The following CDC20B variants were observed in gnomAD, a reference collection of about 807,000 sequenced individuals.
CDC20B encodes cell division cycle protein 20 homolog B.
CDC20B carries 58 observed loss-of-function variants against 64.1 expected under a neutral mutation model. The ratio of observed to expected loss-of-function variants is 0.90; its 90% confidence interval spans 0.73 to 1.13. The LOEUF is 1.13. Ranked by LOEUF, CDC20B falls within the 50% of genes most tolerant of loss-of-function variation. The pLI is 0.00. For missense variants in CDC20B, 597 were observed against 633.0 expected, an observed-to-expected ratio of 0.94 and a Z score of 0.61; for synonymous variants, 243 against 230.6, an observed-to-expected ratio of 1.05 and a Z score of -0.49.
chr5:55,164,304 G>A, intron 2 of CDC20B: 2 of 981,706 alleles, frequency 2.0e-6, no homozygotes, highest in Non-Finnish European at 1.4e-6. Flanking sequence ...TGGAGACAGT[G>A]TCTCACTCTG....
intron 2 of CDC20B, chr5:55,166,254 C>G (rs571149771): frequency 6.6e-6 from 1 of 152,400 alleles, no homozygotes; most frequent in East Asian, 1.9e-4. Flanking sequence ...TGGGAACAAC[C>G]AGGACTGTCC....
intron 4 of CDC20B, among the ~76,000 whole-genome samples, chr5:55,141,768 C>T (rs918487832): frequency 3.9e-5 from 6 of 152,138 alleles, no homozygotes; most frequent in Admixed American, 6.5e-5. Context: ...GAACAACTAA[C>T]TAGAAAGCAG....
At chr5:55,136,176 G>C (rs1242369437) in intron 5 of CDC20B, 1 of 151,970 alleles carries the variant, frequency 6.6e-6, no homozygotes, top group African/African-American at 2.4e-5. Flanking sequence ...TCGAACTCCT[G>C]ACCTCGTGAT....
At position 55,135,418 on chromosome 5, in the gene CDC20B, G is replaced by A. The variant is rs142652948; in HGVS notation, c.581-1890C>T. Among the ~76,000 whole-genome samples, 495 of 152,248 alleles carry A rather than the reference G, an allele frequency of 3.3e-3. 5 individuals are homozygous for A. The highest frequency in any genetic ancestry group is 0.011 in the African/African-American group (471 of 41,514). ...GTTTAGGACAAAAGACGAGGGAGCT[G>A]AGGAAAGACATGTCCCCACATATTT... is the stretch of plus-strand genomic sequence containing the variant. On this transcript the variant is annotated intron_variant, in intron 5 of 11. Transcript: ENST00000381375.
rs1743027202 is a variant in CDC20B, at chr5:55,131,490, C to T, written c.697+1922G>A. Among the ~76,000 whole-genome samples, 3 of 152,002 alleles carry T rather than the reference C, an allele frequency of 2.0e-5. No individual in the cohort carries two copies. The South Asian group carries it at 6.2e-4, about 32-fold the overall frequency. ...GCAAAAAAGGATGAGAAAGAGTGAA[C>T]AAAAGACACTCTTGGACAAAACCCA... is the stretch of plus-strand genomic sequence containing the variant. On this transcript the variant is annotated intron_variant, in intron 6 of 11. Transcript: ENST00000381375.
chr5:55,121,955 G>A (rs1295940479), intron 9 of CDC20B, among the ~76,000 whole-genome samples: 1 of 152,052 alleles, frequency 6.6e-6, no homozygotes, highest in Admixed American at 6.6e-5. Context: ...TACAATAGTT[G>A]CTCTCATTCT....
At chr5:55,123,506 G>A (rs1742804717) in intron 9 of CDC20B, among the ~76,000 whole-genome samples, 1 of 152,118 alleles carries the variant, frequency 6.6e-6, no homozygotes, top group Admixed American at 6.5e-5. Flanking sequence ...ATGTCAACCT[G>A]CAAAGTCTAC....
chr5:55,140,381 G>C lies in CDC20B; in HGVS notation c.513C>G (p.Thr171=). 1 of 1,612,764 alleles carries C rather than the reference G, an allele frequency of 6.2e-7. No homozygotes were observed. Among genetic ancestry groups the C allele is most frequent in the Non-Finnish European group, 8.5e-7 (1 of 1,179,432 alleles). The change falls in exon 5 of 12, where the codon ACC becomes ACG. Residue 171 remains threonine (T), a synonymous_variant. Coordinates refer to ENST00000381375, the MANE Select transcript of CDC20B (RefSeq NM_001170402.1). ...GQKCLKQLFV[T]QNVVQQANGK... ...CATTAGCCTGCTGAACCACGTTCTGGGTTACAAAGAGTTGTTTTAGGCATT... is the reference window on the plus strand; with the variant it reads ...CATTAGCCTGCTGAACCACGTTCTGCGTTACAAAGAGTTGTTTTAGGCATT...
rs759309662 is a variant in CDC20B, at chr5:55,128,419, A to G, written c.894+2T>C. On this transcript the variant is annotated splice_donor_variant, in intron 7 of 11. Transcript: ENST00000381375. LOFTEE classifies it high-confidence loss of function. ...ATGAGAAAAAAAAAAACTGGCCAGTACTTGCACTTCTCCCTCGCTGGTGCC... is the reference window on the plus strand; with the variant it reads ...ATGAGAAAAAAAAAAACTGGCCAGTGCTTGCACTTCTCCCTCGCTGGTGCC... The G allele has an allele frequency of 1.3e-6, 2 of 1,596,750 alleles. No individual in the cohort carries two copies. The highest frequency in any genetic ancestry group is 2.3e-5 in the South Asian group (2 of 86,548).
intron 5 of CDC20B, among the ~76,000 whole-genome samples, chr5:55,135,486 G>T (rs1743137324): frequency 1.3e-5 from 2 of 152,092 alleles, no homozygotes; most frequent in Admixed American, 1.3e-4. Context: ...AAAAGACAAG[G>T]TTCACACTCT....
chr5:55,138,200 G>A (rs1038933436), intron 5 of CDC20B, among the ~76,000 whole-genome samples: 3 of 146,904 alleles, frequency 2.0e-5, no homozygotes, highest in African/African-American at 7.5e-5. Flanking sequence ...TCACTCTGTC[G>A]CCCAGGCTGG....
chr5:55,157,962 C>T (rs2111921784), intron 2 of CDC20B, among the ~76,000 whole-genome samples: 1 of 152,230 alleles, frequency 6.6e-6, no homozygotes, highest in African/African-American at 2.4e-5. Flanking sequence ...AAGCCATTTG[C>T]TTGTACAGCC....
intron 2 of CDC20B, among the ~76,000 whole-genome samples, chr5:55,153,314 G>A (rs1319833196): frequency 2.7e-5 from 4 of 146,058 alleles, no homozygotes; most frequent in Admixed American, 2.0e-4. Flanking sequence ...GCAGAAATTA[G>A]AGAATGAGAT....
intron 2 of CDC20B, 180 bp downstream of exon 2, chr5:55,172,408 T>C (rs1046283882): frequency 1.2e-5 from 7 of 569,604 alleles, no homozygotes; most frequent in Middle Eastern, 2.7e-4. Flanking sequence ...ATGCAAACGA[T>C]TGCATTATTT....
chr5:55,154,379 A>G (rs1391331401), intron 2 of CDC20B, among the ~76,000 whole-genome samples: 1 of 152,100 alleles, frequency 6.6e-6, no homozygotes, highest in African/African-American at 2.4e-5. Context: ...CTAGCTGGGC[A>G]TGGTGGCACG....
intron 2 of CDC20B, among the ~76,000 whole-genome samples, chr5:55,151,147 A>C (rs16883884): frequency 0.16 from 23,681 of 152,210 alleles, 1,925 homozygotes; most frequent in East Asian, 0.26. Flanking sequence ...AAACTGAGGG[A>C]ATCTCTCAAA....
chr5:55,158,880 C>A (rs1008666565), intron 2 of CDC20B, among the ~76,000 whole-genome samples: 1 of 152,114 alleles, frequency 6.6e-6, no homozygotes, highest in Non-Finnish European at 1.5e-5. Context: ...AGAGAAAAAA[C>A]GAAGCAATTA....
At chr5:55,157,195 C>T (rs576661531) in intron 2 of CDC20B, among the ~76,000 whole-genome samples, 3 of 152,288 alleles carry the variant, frequency 2.0e-5, no homozygotes, top group South Asian at 4.1e-4. Context: ...TAACATACTA[C>T]CCCTTATGCA....
chr5:55,169,902 A>G (rs1744535365), intron 2 of CDC20B, among the ~76,000 whole-genome samples: 1 of 152,186 alleles, frequency 6.6e-6, no homozygotes, highest in Non-Finnish European at 1.5e-5. Flanking sequence ...TCACGAGGTC[A>G]GGAGATCGAG....
Sources: allele counts gnomAD v4.1 joint callset (sites outside exome capture counted in the v4.1 genomes callset), GRCh38; gene constraint gnomAD v4.1.1; transcripts MANE v1.5; gene names NCBI Gene and HGNC (gene_info 2026-07-23, HGNC 2026-07-21).